Variants in PRRC2B observed in about 807,000 individuals in gnomAD.
PRRC2B encodes the protein proline rich coiled-coil 2B.
A neutral mutation model predicts 242.3 loss-of-function variants in PRRC2B; 68 were observed. The ratio of observed to expected loss-of-function variants is 0.28; its 90% CI spans 0.23 to 0.34. PRRC2B has a LOEUF of 0.34. PRRC2B is among the 10% of genes least tolerant of loss of function. PRRC2B has a pLI of 1.00. For missense variants in PRRC2B, 2,835 were observed against 2,954.8 expected, an observed-to-expected ratio of 0.96 and a Z score of 0.94; for synonymous variants, 1,228 against 1,173.6, an observed-to-expected ratio of 1.05 and a Z score of -0.95.
At position 131,483,378 on chromosome 9, in the gene PRRC2B, C is replaced by T. The variant is rs1438351642; in HGVS notation, c.5393C>T (p.Pro1798Leu). 10 of 1,613,856 alleles carry T rather than the reference C, an allele frequency of 6.2e-6. No homozygotes were observed. The highest frequency in any genetic ancestry group is 4.0e-5 in the African/African-American group (3 of 74,904). The change falls in exon 23 of 32, where the codon CCA becomes CTA. Residue 1798 changes from proline to leucine, a missense_variant. Transcript: ENST00000683519. Reference protein sequence around the residue: ...VSPKDSDFSLPPGSASGPTGS... With the variant: ...VSPKDSDFSLLPGSASGPTGS... ...TTTCAGGACTCCGATTTCAGCTTGC[C>T]ACCTGGTTCTGCCTCTGGTCCTACT...
At chr9:131,394,864 C>T (rs914031941) in intron 1 of PRRC2B, among the ~76,000 whole-genome samples, 5 of 151,548 alleles carry the variant, frequency 3.3e-5, no homozygotes, top group African/African-American at 1.2e-4. Context: ...GGTGTGAGTG[C>T]GGGAACCAGA....
chr9:131,436,990 C>T (rs758181343), intron 4 of PRRC2B, among the ~76,000 whole-genome samples: 6 of 152,118 alleles, frequency 3.9e-5, no homozygotes, highest in Non-Finnish European at 8.8e-5. Flanking sequence ...CTTGATTTAC[C>T]GTGAGGCAGG....
chr9:131,493,843 C>T (rs967320019), intron 30 of PRRC2B, among the ~76,000 whole-genome samples: 21 of 151,956 alleles, frequency 1.4e-4, no homozygotes, highest in African/African-American at 4.6e-4. Context: ...ACTCTGCACA[C>T]GGCACTTAGG....
At chr9:131,383,599 TC>T (rs1431148326) in intron 1 of PRRC2B, among the ~76,000 whole-genome samples, 14 of 97,290 alleles carry the variant, frequency 1.4e-4, no homozygotes, top group African/African-American at 4.1e-4. Context: ...TTTTGGTTTC[TC>T]TTTTTTTTTT....
Position 131,455,133 on chromosome 9 carries a change from A to T in PRRC2B, c.1178A>T (p.Glu393Val). ...EKLKFSDDEEEEEVVKDGRPK... is the reference protein window; with the variant it reads ...EKLKFSDDEEVEEVVKDGRPK... The stretch of plus-strand genomic sequence containing the variant: ...CTGAAGTTCAGTGATGATGAAGAGG[A>T]GGAAGAAGTTGTGAAGGACGGCAGG... The change falls in exon 10 of 32, where the codon GAG (glutamate) becomes GTG (valine). Residue 393 changes from glutamate to valine, a missense_variant. Glu to Val is a moderately radical substitution (Grantham distance 121). Transcript: ENST00000683519. 1 of 1,613,832 alleles carries T rather than the reference A, an allele frequency of 6.2e-7. No homozygotes were observed. The highest frequency in any genetic ancestry group is 8.5e-7 in the Non-Finnish European group (1 of 1,179,824).
At chr9:131,409,786 A>T (rs572543671) in intron 1 of PRRC2B, among the ~76,000 whole-genome samples, 1 of 152,178 alleles carries the variant, frequency 6.6e-6, no homozygotes, top group Non-Finnish European at 1.5e-5. Context: ...GTCTCTGTTG[A>T]TGTGTCAGTG....
intron 1 of PRRC2B, among the ~76,000 whole-genome samples, chr9:131,374,053 C>T (rs1588231137): frequency 7.9e-6 from 1 of 126,482 alleles, no homozygotes; most frequent in African/African-American, 3.0e-5. Context: ...AGCGAGACTC[C>T]GTCTCAAAAA....
At chr9:131,426,337 C>CAAAAAAAAAAAAA (rs5900939) in intron 1 of PRRC2B, among the ~76,000 whole-genome samples, 3 of 84,480 alleles carry the variant, frequency 3.6e-5, no homozygotes, top group Non-Finnish European at 4.9e-5. Context: ...AACTCTGTCT[C>CAAAAAAAAAAAAA]AAAAAAAAAA....
At chr9:131,463,061 T>TA (rs1425608930) in intron 11 of PRRC2B, among the ~76,000 whole-genome samples, 1 of 151,930 alleles carries the variant, frequency 6.6e-6, no homozygotes, top group African/African-American at 2.4e-5. Context: ...TCCCATGGGA[T>TA]AAAGGCAGAT....
intron 3 of PRRC2B, among the ~76,000 whole-genome samples, chr9:131,435,933 C>T (rs1471374361): frequency 6.6e-6 from 1 of 152,164 alleles, no homozygotes; most frequent in Non-Finnish European, 1.5e-5. Flanking sequence ...TGGAGTTTCT[C>T]TCTGGATGAT....
At chr9:131,442,126 T>G (rs563645247) in intron 5 of PRRC2B, among the ~76,000 whole-genome samples, 58 of 152,152 alleles carry the variant, frequency 3.8e-4, no homozygotes, top group African/African-American at 5.8e-4. Context: ...CTACCTTTTT[T>G]TTTGTTTGTT....
chr9:131,400,332 T>G (rs1837195026), intron 1 of PRRC2B, among the ~76,000 whole-genome samples: 1 of 151,864 alleles, frequency 6.6e-6, no homozygotes, highest in African/African-American at 2.4e-5. Context: ...TTTCTTTTTT[T>G]TTTTGAGATG....
In PRRC2B at chr9:131,497,092, G is replaced by C. The variant is rs1246265653; in HGVS notation, c.*1218G>C. On this transcript the variant is annotated 3_prime_UTR_variant, in exon 32 of 32. Coordinates refer to ENST00000683519, the MANE Select transcript of PRRC2B (RefSeq NM_013318.4). ...TGGTCCCCAAGTGAGGCCACTGGGAGTTTGTCCTTTTCCTCCTTTGCTTCA... is the reference window on the plus strand; with the variant it reads ...TGGTCCCCAAGTGAGGCCACTGGGACTTTGTCCTTTTCCTCCTTTGCTTCA... The C allele has an allele frequency of 6.6e-6, 1 of 152,400 alleles. No individual in the cohort carries two copies. Among genetic ancestry groups the C allele is most frequent in the Non-Finnish European group, 1.5e-5 (1 of 68,178 alleles). The allele number at this position is 152,400 out of a possible 1,614,324, so 9.4% of individuals were successfully genotyped here.
intron 9 of PRRC2B, chr9:131,448,066 A>G: frequency 3.0e-6 from 1 of 338,466 alleles, no homozygotes; most frequent in Non-Finnish European, 5.3e-6. Context: ...ATTATTGATG[A>G]TGCAAAATTT....
rs1168013962 is a variant in PRRC2B, at chr9:131,499,684, T to A, written c.*3810T>A. 6.6e-6 allele frequency: 1 copy of A among 152,180 alleles called. No homozygotes were observed. Among genetic ancestry groups the A allele is most frequent in the East Asian group, 1.9e-4 (1 of 5,200 alleles). The allele number at this position is 152,180 out of a possible 1,614,324, so 9.4% of individuals were successfully genotyped here. ...TGCTCTTCACTGTTTCCACCCCACT[T>A]GGTGGCCTCCAGGATGGTAGTGGCA... On this transcript the variant is annotated 3_prime_UTR_variant, in exon 32 of 32. Transcript: ENST00000683519.
intron 1 of PRRC2B, among the ~76,000 whole-genome samples, chr9:131,406,938 A>G (rs1837379633): frequency 6.6e-6 from 1 of 152,214 alleles, no homozygotes; most frequent in Non-Finnish European, 1.5e-5. Context: ...TTTTTAACTA[A>G]GGGGACTGTT....
At position 131,494,119 on chromosome 9, in the gene PRRC2B, G is replaced by A. The variant is rs921289500; in HGVS notation, c.6474-286G>A. On this transcript the variant is annotated intron_variant, in intron 30 of 31. Coordinates refer to ENST00000683519, the MANE Select transcript of PRRC2B (RefSeq NM_013318.4). This position sits in a 1 kb window ranked among gnomAD's most constrained non-coding sequence, Gnocchi z 4.3. ...GCTTTCTGCACAGCAGGACAGCCAT[G>A]CCCATCTGTACAGGGCCTCAGCCTC... 6.6e-6 allele frequency among the ~76,000 whole-genome samples: 1 copy of A among 152,190 alleles called. No individual in the cohort carries two copies. The highest frequency in any genetic ancestry group is 2.4e-5 in the African/African-American group (1 of 41,448).
chr9:131,471,212 T>C (rs1293792338), intron 14 of PRRC2B, among the ~76,000 whole-genome samples: 1 of 152,220 alleles, frequency 6.6e-6, no homozygotes, highest in East Asian at 1.9e-4. Context: ...TAAATTGCTT[T>C]AATTAATTTT....
chr9:131,450,012 A>G (rs114119770), intron 9 of PRRC2B, among the ~76,000 whole-genome samples: 1 of 152,196 alleles, frequency 6.6e-6, no homozygotes, highest in Non-Finnish European at 1.5e-5. Flanking sequence ...CTTTGCCAAA[A>G]GTCAATTGAC....
Sources: gnomAD v4.1 joint callset for allele counts (sites outside exome capture counted in the v4.1 genomes callset) on GRCh38, gnomAD v4.1.1 for gene constraint, Gnocchi (gnomAD v3.1) non-coding constraint, MANE v1.5 for transcripts, NCBI Gene and HGNC (gene_info 2026-07-23, HGNC 2026-07-21) for gene names.